The following DHRS1 variants were observed in gnomAD, a reference collection of about 807,000 sequenced individuals.
DHRS1 encodes dehydrogenase/reductase SDR family member 1.
In DHRS1, 34 loss-of-function variants were observed where a neutral mutation model predicts 35.2. The ratio of observed to expected loss-of-function variants is 0.97; its 90% CI spans 0.74 to 1.29. DHRS1 has a LOEUF of 1.29. Ranked by LOEUF, DHRS1 falls within the 50% of genes most tolerant of loss-of-function variation. The pLI is 0.00. For missense variants in DHRS1, 354 were observed against 403.6 expected, an observed-to-expected ratio of 0.88 and a Z score of 1.05; for synonymous variants, 133 against 160.0, an observed-to-expected ratio of 0.83 and a Z score of 1.27.
At chr14:24,291,038 C>G in intron 8 of DHRS1, 43 bp from the exon 9 acceptor site, 1 of 1,613,574 alleles carries the variant, frequency 6.2e-7, no homozygotes, top group Non-Finnish European at 8.5e-7. Context: ...TCATTTCCCA[C>G]TCCTCAGATA....
intron 2 of DHRS1, 31 bp downstream of exon 2, chr14:24,298,926 C>G (rs2041312990): frequency 6.3e-6 from 10 of 1,583,538 alleles, no homozygotes; most frequent in Non-Finnish European, 8.6e-6. Flanking sequence ...CGGGTGGTTT[C>G]TGCAACTGTG....
At position 24,296,828 on chromosome 14, in the gene DHRS1, C is replaced by T; in HGVS notation, c.204G>A (p.Glu68=). 6.2e-7 allele frequency: 1 copy of T among 1,614,272 alleles called. No homozygotes were observed. Among genetic ancestry groups the T allele is most frequent in the Non-Finnish European group, 8.5e-7 (1 of 1,180,048 alleles). The change falls in exon 3 of 9, where the codon GAG becomes GAA. Residue 68 remains glutamate, a synonymous_variant. Coordinates refer to ENST00000288111, the MANE Select transcript of DHRS1 (RefSeq NM_001136050.3). ...CVPVVCDSSQ[E]SEVRSLFEQV... is the part of the protein sequence containing the mutation. ...GCTCAAACAGGCTTCGCACTTCACT[C>T]TCCTGGCTTGAATCGCACACCACAG...
intron 2 of DHRS1, among the ~76,000 whole-genome samples, chr14:24,297,144 A>G (rs543174671): frequency 1.3e-5 from 2 of 152,368 alleles, no homozygotes; most frequent in South Asian, 4.1e-4. Context: ...CACCATGTGC[A>G]CAGCATTGTA....
At chr14:24,293,983 A>G (rs767986607) in intron 4 of DHRS1, 1 of 152,334 alleles carries the variant, frequency 6.6e-6, no homozygotes, top group Admixed American at 6.5e-5. Flanking sequence ...GAACCTGTCA[A>G]ATCAGTGGGG....
At chr14:24,297,720 A>T (rs2041277432) in intron 2 of DHRS1, among the ~76,000 whole-genome samples, 1 of 152,118 alleles carries the variant, frequency 6.6e-6, no homozygotes, top group South Asian at 2.1e-4. Context: ...CCAGCCTCTC[A>T]CTCACTACTC....
intron 7 of DHRS1, 108 bp downstream of exon 7, chr14:24,291,448 G>A: frequency 7.8e-7 from 1 of 1,279,434 alleles, no homozygotes. Flanking sequence ...GCAGAGAAAA[G>A]AATGACATGT....
In DHRS1 at chr14:24,292,257, C is replaced by T. The variant is rs2041170997; in HGVS notation, c.581G>A (p.Gly194Glu). 6.2e-7 allele frequency: 1 copy of T among 1,614,180 alleles called. No homozygotes were observed. The highest frequency in any genetic ancestry group is 8.5e-7 in the Non-Finnish European group (1 of 1,180,024). The change falls in exon 6 of 9, where the codon GGG becomes GAG. Residue 194 changes from glycine (G) to glutamate (E), a missense_variant. Coordinates refer to ENST00000288111, the MANE Select transcript of DHRS1 (RefSeq NM_001136050.3). ...CTTCAGCAGTTCTGTCTGCACAATC[C>T]CCGGCCACAGAGACACACAGCTGAC... ...HGVSCVSLWP[G>E]IVQTELLKEH...
At chr14:24,298,353 T>C (rs1012141276) in intron 2 of DHRS1, among the ~76,000 whole-genome samples, 2 of 152,240 alleles carry the variant, frequency 1.3e-5, no homozygotes, top group Admixed American at 1.3e-4. Flanking sequence ...TACTCCACCA[T>C]GGACTGAATC....
chr14:24,299,004 A>G lies in DHRS1; in HGVS notation c.103T>C (p.Tyr35His). ...GTGTCCAGATGGCGGCCAGTGATGT[A>G]AACTGTGGCGCCTGCTTTGCAGAGC... Reference protein sequence around the residue: ...LQLCKAGATVYITGRHLDTLR... With the variant: ...LQLCKAGATVHITGRHLDTLR... The change falls in exon 2 of 9, where the codon TAC becomes CAC. Residue 35 changes from tyrosine to histidine, a missense_variant. By Grantham distance (83) the Tyr-to-His change is moderately conservative (BLOSUM62 2). Coordinates refer to ENST00000288111, the MANE Select transcript of DHRS1 (RefSeq NM_001136050.3). 6.2e-7 allele frequency: 1 copy of G among 1,614,014 alleles called. No individual in the cohort carries two copies.
At chr14:24,296,937 A>C (rs1416338256) in intron 2 of DHRS1, 56 bp from the exon 3 acceptor site, 45 of 1,608,806 alleles carry the variant, frequency 2.8e-5, no homozygotes, top group Non-Finnish European at 3.8e-5. Context: ...GAGTCATGAC[A>C]AAACTCCCCA....
At position 24,291,146 on chromosome 14, in the gene DHRS1, A is replaced by G; in HGVS notation, c.798T>C (p.Asp266=). 1 of 1,614,164 alleles carries G rather than the reference A, an allele frequency of 6.2e-7. No individual in the cohort carries two copies. The highest frequency in any genetic ancestry group is 8.5e-7 in the Non-Finnish European group (1 of 1,180,020). ...CDLARRYGLR[D]VDGRPVQDYL... ...CTGTGCCAGGGTCCTCACCGTCCAC[A>G]TCCCGAAGGCCATAGCGTCGAGCAA... Residue 266 remains aspartate (D), a synonymous_variant, in exon 8 of 9, where the codon GAT becomes GAC. Coordinates refer to ENST00000288111, the MANE Select transcript of DHRS1 (RefSeq NM_001136050.3).
At chr14:24,291,415 G>T in intron 7 of DHRS1, 141 bp downstream of exon 7, 1 of 1,098,226 alleles carries the variant, frequency 9.1e-7, no homozygotes, top group Non-Finnish European at 1.4e-6. Flanking sequence ...AACTGGGAAT[G>T]CTGACCCCTT....
Position 24,296,744 on chromosome 14 carries a change from C to T in DHRS1, c.288G>A (p.Gly96=), listed in dbSNP as rs1325813130. ...AACAAAGTTCAAAGGGTACCTGGAC[C>T]CCTGCATAAGCATTGTTGACCAGCA... ...LDVLVNNAYA[G]VQTILNTRNK... Residue 96 remains glycine (G), a synonymous_variant, in exon 3 of 9, where the codon GGG becomes GGA. Transcript: ENST00000288111. 3.7e-6 allele frequency: 6 copies of T among 1,614,100 alleles called. No individual in the cohort carries two copies. The highest frequency in any genetic ancestry group is 1.7e-5 in the Admixed American group (1 of 60,022).
In DHRS1 at chr14:24,299,002, G is replaced by A; in HGVS notation, c.105C>T (p.Tyr35=). The change falls in exon 2 of 9, where the codon TAC becomes TAT. Residue 35 remains tyrosine, a synonymous_variant. Transcript: ENST00000288111. ...GGGTGTCCAGATGGCGGCCAGTGAT[G>A]TAAACTGTGGCGCCTGCTTTGCAGA... ...LQLCKAGATV[Y]ITGRHLDTLR... The A allele has an allele frequency of 6.2e-7, 1 of 1,613,906 alleles. No homozygotes were observed. The highest frequency in any genetic ancestry group is 8.5e-7 in the Non-Finnish European group (1 of 1,179,772).
chr14:24,295,593 A>G (rs1382326150), intron 4 of DHRS1, among the ~76,000 whole-genome samples: 1 of 152,220 alleles, frequency 6.6e-6, no homozygotes, highest in Non-Finnish European at 1.5e-5. Context: ...TCTCTGCTTC[A>G]GGGTCAAAAC....
In DHRS1 at chr14:24,298,940, C is replaced by A; in HGVS notation, c.150+17G>T. On this transcript the variant is annotated intron_variant, in intron 2 of 8. Transcript: ENST00000288111. The stretch of plus-strand genomic sequence containing the variant: ...TCGGGTGGTTTCTGCAACTGTGGTC[C>A]CAGAGGAAGCACTCACCTCCTGAGC... 6.3e-7 allele frequency: 1 copy of A among 1,592,280 alleles called. No individual in the cohort carries two copies. The highest frequency in any genetic ancestry group is 8.6e-7 in the Non-Finnish European group (1 of 1,163,456).
chr14:24,297,139 T>C (rs1392854334), intron 2 of DHRS1, among the ~76,000 whole-genome samples: 1 of 152,224 alleles, frequency 6.6e-6, no homozygotes, highest in Non-Finnish European at 1.5e-5. Flanking sequence ...AGGCCCACCA[T>C]GTGCACAGCA....
intron 4 of DHRS1, 156 bp from the exon 5 acceptor site, chr14:24,292,940 C>A: frequency 1.1e-6 from 1 of 871,792 alleles, no homozygotes; most frequent in African/African-American, 1.7e-5. Context: ...GGCTTGAGGC[C>A]ATATTCTGAG....
intron 4 of DHRS1, among the ~76,000 whole-genome samples, chr14:24,294,820 G>A (rs750852357): frequency 6.6e-6 from 1 of 152,190 alleles, no homozygotes; most frequent in African/African-American, 2.4e-5. Context: ...AGTGGAAGAA[G>A]TATGAATTAA....
Sources: allele counts gnomAD v4.1 joint callset (sites outside exome capture counted in the v4.1 genomes callset), GRCh38; gene constraint gnomAD v4.1.1; transcripts MANE v1.5; gene names NCBI Gene and HGNC (gene_info 2026-07-23, HGNC 2026-07-21).